Variants in DLGAP2 observed in about 807,000 individuals in gnomAD.
DLGAP2 encodes DLG associated protein 2.
Under a neutral mutation model 100.3 loss-of-function variants are expected in DLGAP2, and 26 were observed. The ratio of observed to expected loss-of-function variants is 0.26; its 90% CI spans 0.19 to 0.36. DLGAP2 has a LOEUF of 0.36. Ranked by LOEUF, DLGAP2 falls within the 10% of genes least tolerant of loss-of-function variation. DLGAP2 has a pLI of 1.00. For missense variants in DLGAP2, 1,858 were observed against 1,453.2 expected, an observed-to-expected ratio of 1.28 and a Z score of -4.53; for synonymous variants, 886 against 630.1, an observed-to-expected ratio of 1.41 and a Z score of -6.08.
chr8:977,465 T>C (rs2129013411), intron 2 of DLGAP2, among the ~76,000 whole-genome samples: 1 of 152,366 alleles, frequency 6.6e-6, no homozygotes, highest in African/African-American at 2.4e-5. Context: ...TGTGACACTT[T>C]CTGATATAGC....
At chr8:1,433,309 T>C (rs2130006728) in intron 3 of DLGAP2, among the ~76,000 whole-genome samples, 1 of 152,320 alleles carries the variant, frequency 6.6e-6, no homozygotes, top group Non-Finnish European at 1.5e-5. Flanking sequence ...CCTGTACTGG[T>C]CCAGCTGTGG....
chr8:1,302,279 C>T (rs926760147), intron 3 of DLGAP2: 3 of 129,322 alleles, frequency 2.3e-5, no homozygotes, highest in African/African-American at 6.8e-5. Context: ...GAGCTCTGCT[C>T]CACACCTGGG....
chr8:1,627,458 C>G lies in DLGAP2; in HGVS notation c.1590+571C>G, dbSNP rs116587430. Reference sequence around the variant, plus strand: ...CGGGGGCTGTGAAAGGGAGGCCCCCCTGCTCCCCACCTGTGGTGGACGGGC... The same window carrying G: ...CGGGGGCTGTGAAAGGGAGGCCCCCGTGCTCCCCACCTGTGGTGGACGGGC... On this transcript the variant is annotated intron_variant, in intron 7 of 14. Transcript: ENST00000637795. 3.7e-3 allele frequency among the ~76,000 whole-genome samples: 567 copies of G among 152,318 alleles called. 4 individuals carry two copies. Among genetic ancestry groups the G allele is most frequent in the African/African-American group, 0.013 (551 of 41,572 alleles).
At chr8:1,245,705 C>T (rs530201418) in intron 2 of DLGAP2, among the ~76,000 whole-genome samples, 1 of 152,272 alleles carries the variant, frequency 6.6e-6, no homozygotes, top group African/African-American at 2.4e-5. Context: ...TGTGCACTTT[C>T]AGTGGGTGAA....
intron 3 of DLGAP2, among the ~76,000 whole-genome samples, chr8:1,455,891 G>T (rs558002359): frequency 1.3e-5 from 2 of 152,176 alleles, no homozygotes; most frequent in Non-Finnish European, 2.9e-5. Flanking sequence ...TCACTGTCTC[G>T]GCCTCTGCCC....
At chr8:788,123 A>T (rs1227894048) in intron 1 of DLGAP2, among the ~76,000 whole-genome samples, 1 of 152,232 alleles carries the variant, frequency 6.6e-6, no homozygotes, top group Non-Finnish European at 1.5e-5. Context: ...CTGTGTCATG[A>T]CAAGCATGCT....
At chr8:1,408,087 G>T (rs537227413) in intron 3 of DLGAP2, among the ~76,000 whole-genome samples, 8 of 152,316 alleles carry the variant, frequency 5.3e-5, no homozygotes, top group Admixed American at 3.9e-4. Context: ...GGATAGAATC[G>T]TCTCCTGAGA....
At chr8:939,764 C>T (rs1799149893) in intron 2 of DLGAP2, among the ~76,000 whole-genome samples, 1 of 105,556 alleles carries the variant, frequency 9.5e-6, no homozygotes, top group East Asian at 2.7e-4. Context: ...GACACAGGGG[C>T]TGGGGTGCCT....
intron 6 of DLGAP2, among the ~76,000 whole-genome samples, chr8:1,605,138 G>A (rs918679416): frequency 2.6e-5 from 4 of 152,118 alleles, no homozygotes; most frequent in Non-Finnish European, 5.9e-5. Flanking sequence ...TGCTTCCACT[G>A]CCGAAAGAGG....
intron 3 of DLGAP2, among the ~76,000 whole-genome samples, chr8:1,262,759 T>A (rs890866044): frequency 2.0e-5 from 3 of 152,210 alleles, no homozygotes; most frequent in South Asian, 2.1e-4. Context: ...AATCTGTCAA[T>A]TTAATATCGG....
intron 2 of DLGAP2, among the ~76,000 whole-genome samples, chr8:1,214,001 T>G (rs2116794337): frequency 6.7e-6 from 1 of 148,860 alleles, no homozygotes; most frequent in East Asian, 1.9e-4. Context: ...TAGCATCCAT[T>G]CAGAGACCCG....
chr8:1,441,225 C>G (rs1206040901), intron 3 of DLGAP2, among the ~76,000 whole-genome samples: 1 of 152,182 alleles, frequency 6.6e-6, no homozygotes, highest in Non-Finnish European at 1.5e-5. Flanking sequence ...CCTGAGTTTT[C>G]ATAAATTCTG....
chr8:1,616,478 A>C (rs2130745015), intron 6 of DLGAP2, among the ~76,000 whole-genome samples: 1 of 152,350 alleles, frequency 6.6e-6, no homozygotes, highest in African/African-American at 2.4e-5. Flanking sequence ...GAGAGAGACA[A>C]GTCTGTAAAG....
chr8:1,308,555 C>T (rs1328496838), intron 3 of DLGAP2, among the ~76,000 whole-genome samples: 5 of 152,194 alleles, frequency 3.3e-5, no homozygotes, highest in Admixed American at 2.6e-4. Context: ...GACGTAGTTT[C>T]ACTCTTGTTG....
At chr8:959,838 C>CA (rs1799681739) in intron 2 of DLGAP2, among the ~76,000 whole-genome samples, 1 of 152,124 alleles carries the variant, frequency 6.6e-6, no homozygotes, top group Admixed American at 6.5e-5. Flanking sequence ...TCATTAAAAA[C>CA]AATGATTTTC....
intron 3 of DLGAP2, among the ~76,000 whole-genome samples, chr8:1,495,969 A>G (rs1484008191): frequency 2.0e-5 from 3 of 152,088 alleles, no homozygotes; most frequent in Non-Finnish European, 4.4e-5. Flanking sequence ...GATGGATGAA[A>G]CAAGACTGTG....
intron 2 of DLGAP2, among the ~76,000 whole-genome samples, chr8:1,229,572 C>G (rs565399606): frequency 2.0e-5 from 3 of 152,146 alleles, no homozygotes; most frequent in Admixed American, 2.0e-4. Context: ...TGTAATGTGA[C>G]CTTTGTCATT....
chr8:1,455,876 C>G (rs953822859), intron 3 of DLGAP2, among the ~76,000 whole-genome samples: 4 of 152,200 alleles, frequency 2.6e-5, no homozygotes, highest in African/African-American at 9.6e-5. Flanking sequence ...GTCGGTCTGT[C>G]TTGTTCACTG....
chr8:756,271 G>A (rs76667227), intron 1 of DLGAP2, among the ~76,000 whole-genome samples: 1 of 152,170 alleles, frequency 6.6e-6, no homozygotes, highest in South Asian at 2.1e-4. Context: ...TTTAGCAAGT[G>A]GGCCAGGCAT....
Sources: allele counts gnomAD v4.1 joint callset (sites outside exome capture counted in the v4.1 genomes callset), GRCh38; gene constraint gnomAD v4.1.1; transcripts MANE v1.5; gene names NCBI Gene and HGNC (gene_info 2026-07-23, HGNC 2026-07-21).